KHDRBS2: variants seen among roughly 807,000 people sequenced by gnomAD.
KHDRBS2 encodes KH RNA binding domain containing, signal transduction associated 2, also known as KH domain-containing, RNA-binding, signal transduction-associated protein 2.
In KHDRBS2, 26 loss-of-function variants were observed where a neutral mutation model predicts 44.3. The observed-to-expected ratio is 0.59, with a 90% confidence interval of 0.43 to 0.81. The LOEUF is 0.81. KHDRBS2 is among the 40% of genes least tolerant of loss of function. The probability of loss-of-function intolerance (pLI) is 0.00; values close to 1 mark genes in which losing one functional copy is unlikely to be tolerated. For synonymous variants in KHDRBS2, 194 were observed against 151.1 expected, an observed-to-expected ratio of 1.28 and a Z score of -2.08; for missense variants, 476 against 433.1, an observed-to-expected ratio of 1.10 and a Z score of -0.88.
At chr6:62,049,610 T>A (rs768890623) in intron 2 of KHDRBS2, among the ~76,000 whole-genome samples, 3 of 152,052 alleles carry the variant, frequency 2.0e-5, no homozygotes, top group Non-Finnish European at 2.9e-5. Flanking sequence ...CACTTTGTGA[T>A]GATATTTCTT....
chr6:61,917,464 G>C (rs1281254927), intron 4 of KHDRBS2, among the ~76,000 whole-genome samples: 2 of 151,882 alleles, frequency 1.3e-5, no homozygotes, highest in African/African-American at 4.8e-5. Flanking sequence ...AGACAATAAT[G>C]CATCAGTGAT....
intron 8 of KHDRBS2, among the ~76,000 whole-genome samples, chr6:61,696,443 G>C (rs1767914212): frequency 6.6e-6 from 1 of 151,636 alleles, no homozygotes; most frequent in African/African-American, 2.4e-5. Context: ...ATTTTTGGTA[G>C]AGACGGGGTT....
intron 2 of KHDRBS2, among the ~76,000 whole-genome samples, chr6:62,138,333 A>C (rs1167697910): frequency 6.6e-6 from 1 of 152,220 alleles, no homozygotes; most frequent in African/African-American, 2.4e-5. Flanking sequence ...GATAATTTGA[A>C]GATGCAGTGC....
chr6:62,248,979 A>G (rs1458441910), intron 1 of KHDRBS2, among the ~76,000 whole-genome samples: 1 of 152,118 alleles, frequency 6.6e-6, no homozygotes, highest in Non-Finnish European at 1.5e-5. Flanking sequence ...ATTAAATGTA[A>G]TATTTTGGAT....
At chr6:62,093,856 T>TTGTGTGTGTG (rs61194705) in intron 2 of KHDRBS2, among the ~76,000 whole-genome samples, 2,000 of 143,276 alleles carry the variant, frequency 0.014, 25 homozygotes, top group Middle Eastern at 0.05. Context: ...TTCCATTGTT[T>TTGTGTGTGTG]TGTGTGTGTG....
intron 2 of KHDRBS2, among the ~76,000 whole-genome samples, chr6:62,131,452 T>G (rs1207594347): frequency 6.6e-6 from 1 of 152,188 alleles, no homozygotes; most frequent in African/African-American, 2.4e-5. Flanking sequence ...AATCCCCATG[T>G]GAAGCTAGCA....
intron 3 of KHDRBS2, among the ~76,000 whole-genome samples, chr6:61,979,329 A>T (rs1773372271): frequency 6.6e-6 from 1 of 152,258 alleles, no homozygotes; most frequent in South Asian, 2.1e-4. Flanking sequence ...CACAGAAACA[A>T]CCAGCAGCTA....
At chr6:62,253,467 T>C (rs1836872878) in intron 1 of KHDRBS2, among the ~76,000 whole-genome samples, 1 of 151,876 alleles carries the variant, frequency 6.6e-6, no homozygotes, top group Non-Finnish European at 1.5e-5. Context: ...TCTCTCTGTC[T>C]CTATTCCCCC....
At chr6:61,898,286 T>C (rs1284453679) in intron 5 of KHDRBS2, among the ~76,000 whole-genome samples, 2 of 151,932 alleles carry the variant, frequency 1.3e-5, no homozygotes, top group African/African-American at 4.8e-5. Flanking sequence ...TTTGTGGGCA[T>C]TTGGTATGAC....
chr6:61,559,114 A>G, the KHDRBS2 span, among the ~76,000 whole-genome samples: 2 of 152,146 alleles, frequency 1.3e-5, no homozygotes, highest in African/African-American at 4.8e-5. Flanking sequence ...GGATGCATAT[A>G]TATTTACAAG....
intron 2 of KHDRBS2, among the ~76,000 whole-genome samples, chr6:62,051,978 A>G (rs958378715): frequency 6.6e-6 from 1 of 152,030 alleles, no homozygotes; most frequent in Admixed American, 6.6e-5. Context: ...AAAAAGTCAA[A>G]AGATACCAAA....
At chr6:61,910,208 T>A (rs980673605) in intron 4 of KHDRBS2, among the ~76,000 whole-genome samples, 8 of 152,250 alleles carry the variant, frequency 5.3e-5, no homozygotes, top group African/African-American at 1.9e-4. Context: ...CTGTGGTGGA[T>A]GTTATTTAGC....
chr6:61,595,175 GC>G, the KHDRBS2 span, among the ~76,000 whole-genome samples: 7 of 151,986 alleles, frequency 4.6e-5, no homozygotes, highest in African/African-American at 9.6e-5. Flanking sequence ...TTGCTATTAA[GC>G]CTCAACCTAA....
chr6:61,662,203 A>G, the KHDRBS2 span, among the ~76,000 whole-genome samples: 4 of 152,148 alleles, frequency 2.6e-5, no homozygotes, highest in Non-Finnish European at 5.9e-5. Flanking sequence ...ATATGTAGAA[A>G]GCTGAAACTG....
chr6:61,955,893 G>A (rs1767124397), intron 4 of KHDRBS2, among the ~76,000 whole-genome samples: 1 of 152,016 alleles, frequency 6.6e-6, no homozygotes, highest in Non-Finnish European at 1.5e-5. Flanking sequence ...TTATGAAGCT[G>A]AGACACAAAT....
intron 2 of KHDRBS2, among the ~76,000 whole-genome samples, chr6:62,152,446 T>C (rs991000653): frequency 2.0e-5 from 3 of 152,218 alleles, no homozygotes; most frequent in Non-Finnish European, 4.4e-5. Context: ...TTAGTTCTTA[T>C]GCACATTAAG....
chr6:62,041,303 C>T (rs752826031), intron 3 of KHDRBS2, among the ~76,000 whole-genome samples: 4 of 151,902 alleles, frequency 2.6e-5, no homozygotes, highest in Admixed American at 1.3e-4. Flanking sequence ...TACACTCTAG[C>T]CTGGGCAGCA....
At chr6:62,124,350 T>C in intron 2 of KHDRBS2, among the ~76,000 whole-genome samples, 1 of 152,214 alleles carries the variant, frequency 6.6e-6, no homozygotes, top group Non-Finnish European at 1.5e-5. Context: ...GATGGATATA[T>C]GGTCCTTGTG....
chr6:62,271,247 G>A (rs1409658254), intron 1 of KHDRBS2, among the ~76,000 whole-genome samples: 7 of 152,018 alleles, frequency 4.6e-5, no homozygotes, highest in Non-Finnish European at 1.0e-4. Context: ...TAACATCGTG[G>A]TCCCACAGGA....
Sources: allele counts gnomAD v4.1 joint callset (sites outside exome capture counted in the v4.1 genomes callset), GRCh38; gene constraint gnomAD v4.1.1; transcripts MANE v1.5; gene names NCBI Gene and HGNC (gene_info 2026-07-23, HGNC 2026-07-21).